TMEM181: variants seen among roughly 807,000 people sequenced by gnomAD.
TMEM181 encodes G protein-coupled receptor 178.
TMEM181 carries 39 observed loss-of-function variants against 71.9 expected under a neutral mutation model. That is an observed-to-expected ratio of 0.54 (90% CI 0.42 to 0.71). TMEM181 has a LOEUF of 0.71. Among genes scored for constraint, TMEM181 ranks in the 30% least tolerant of loss-of-function variants. TMEM181 has a pLI of 0.00. For missense variants in TMEM181, 595 were observed against 583.0 expected, an observed-to-expected ratio of 1.02 and a Z score of -0.21; for synonymous variants, 245 against 228.8, an observed-to-expected ratio of 1.07 and a Z score of -0.64.
At chr6:158,619,256 C>CTGATACCCT (rs1785806805) in intron 10 of TMEM181, among the ~76,000 whole-genome samples, 2 of 152,194 alleles carry the variant, frequency 1.3e-5, no homozygotes, top group African/African-American at 4.8e-5. Context: ...TCTTCAGTTA[C>CTGATACCCT]TGATACCCTT....
At position 158,544,018 on chromosome 6, in the gene TMEM181, C is replaced by G. The variant is rs148704008; in HGVS notation, c.131+7153C>G. Among the ~76,000 whole-genome samples, 573 of 152,258 alleles carry G rather than the reference C, an allele frequency of 3.8e-3. 1 individual carries two copies. The highest frequency in any genetic ancestry group is 0.01 in the Middle Eastern group (3 of 294). ...CTTATTGGAAATCGGGTCTGCACAT[C>G]TTATAGGATGATCTCAGATCCCTCC... On this transcript the variant is annotated intron_variant, in intron 1 of 16. Coordinates refer to the TMEM181 transcript ENST00000367090.
intron 1 of TMEM181, among the ~76,000 whole-genome samples, chr6:158,547,760 G>A (rs995434801): frequency 2.0e-5 from 3 of 151,430 alleles, no homozygotes; most frequent in Admixed American, 6.6e-5. Context: ...CTCCCACCCT[G>A]CCCCCGGGCC....
chr6:158,555,701 G>C (rs927213375), upstream of TMEM181, among the ~76,000 whole-genome samples: 2 of 152,224 alleles, frequency 1.3e-5, no homozygotes, highest in African/African-American at 4.8e-5. Context: ...CAGAAGACTT[G>C]AGAGAATCCC....
rs193140568 is a variant in TMEM181, at chr6:158,599,529, T to A, written c.493-5738T>A. Among the ~76,000 whole-genome samples the A allele has an allele frequency of 6.6e-3, 1,012 of 152,386 alleles. 6 individuals are homozygous for A. The highest frequency in any genetic ancestry group is 0.02 in the Middle Eastern group (6 of 294). ...TTTATTTCATTTTACTTATTTTACA[T>A]TTTAATTTCAAAAATGTATTTTGGG... On this transcript the variant is annotated intron_variant, in intron 6 of 16. Transcript: ENST00000684151.
At chr6:158,572,115 G>A (rs930571775) in intron 1 of TMEM181, among the ~76,000 whole-genome samples, 2 of 152,232 alleles carry the variant, frequency 1.3e-5, no homozygotes, top group Admixed American at 1.3e-4. Context: ...TGGGGGCAGC[G>A]GGCCTGGCCT....
upstream of TMEM181, among the ~76,000 whole-genome samples, chr6:158,559,437 C>T (rs1392845147): frequency 1.3e-5 from 2 of 152,208 alleles, no homozygotes; most frequent in African/African-American, 4.8e-5. Flanking sequence ...CCACAGCACA[C>T]GGGAACACGG....
chr6:158,586,697 C>G (rs554220230), intron 5 of TMEM181, among the ~76,000 whole-genome samples: 1 of 152,032 alleles, frequency 6.6e-6, no homozygotes, highest in East Asian at 1.9e-4. Flanking sequence ...CCTGTAATCC[C>G]AGCACTTTGG....
In TMEM181 at chr6:158,545,661, AG is replaced by A. The variant is rs1288437410; in HGVS notation, c.131+8797del. ...GGCTGCACTCTTTCCATTCTTTTTT[AG>A]TTTTTTTTTTTTTGGTGGTGGTTGT... On this transcript the variant is annotated intron_variant, in intron 1 of 16. Coordinates refer to the TMEM181 transcript ENST00000367090. Among the ~76,000 whole-genome samples, 8 of 147,304 alleles carry A rather than the reference AG, an allele frequency of 5.4e-5. 1 individual carries two copies. The highest frequency in any genetic ancestry group is 1.8e-4 in the African/African-American group (7 of 39,942).
chr6:158,580,894 T>C (rs373780635), intron 2 of TMEM181, 46 bp from the exon 3 acceptor site: 166 of 1,532,284 alleles, frequency 1.1e-4, no homozygotes, highest in Middle Eastern at 3.6e-4. Flanking sequence ...TACTAAATTA[T>C]CAATATTGCT....
Position 158,608,745 on chromosome 6 carries a change from G to A in TMEM181, c.891G>A (p.Trp297Ter). The A allele has an allele frequency of 6.2e-7, 1 of 1,610,436 alleles. No homozygotes were observed. Residue 297 changes from tryptophan (W) to a stop codon, truncating the protein, a stop_gained, in exon 10 of 17, where the codon TGG (tryptophan) becomes TGA (stop). Transcript: ENST00000684151. LOFTEE classifies it high-confidence loss of function. ...LWLASVTLGI[W>*]QTVNELHDPM... is the part of the protein sequence containing the mutation. ...TGGCTTCTGTTACGCTAGGAATATG[G>A]CAAACGTGAGTAATTCTATTATGTG...
intron 1 of TMEM181, among the ~76,000 whole-genome samples, chr6:158,539,235 G>A (rs1562609391): frequency 6.6e-6 from 1 of 152,200 alleles, no homozygotes; most frequent in Admixed American, 6.5e-5. Flanking sequence ...ACAATATTTT[G>A]TATAGACAGG....
intron 1 of TMEM181, among the ~76,000 whole-genome samples, chr6:158,549,008 C>G (rs1781633220): frequency 6.6e-6 from 1 of 150,800 alleles, no homozygotes; most frequent in African/African-American, 2.4e-5. Flanking sequence ...ACTCACCAGG[C>G]TTTGTTATTG....
At chr6:158,542,560 T>C (rs549988791) in intron 1 of TMEM181, among the ~76,000 whole-genome samples, 1 of 152,302 alleles carries the variant, frequency 6.6e-6, no homozygotes, top group East Asian at 1.9e-4. Context: ...TTTGTGTACC[T>C]TGGGGTAAGC....
At chr6:158,555,304 A>T (rs1204527160), upstream of TMEM181, among the ~76,000 whole-genome samples, 1 of 152,184 alleles carries the variant, frequency 6.6e-6, no homozygotes, top group African/African-American at 2.4e-5. Flanking sequence ...CCTTTTATGA[A>T]GATTTATCTA....
intron 6 of TMEM181, among the ~76,000 whole-genome samples, chr6:158,592,771 A>G (rs1784177443): frequency 6.6e-6 from 1 of 152,176 alleles, no homozygotes; most frequent in Non-Finnish European, 1.5e-5. Flanking sequence ...TTTAAAACTT[A>G]GCCATGCATG....
At chr6:158,605,410 G>T (rs935606975) in intron 7 of TMEM181, 63 bp downstream of exon 7, 10 of 1,481,422 alleles carry the variant, frequency 6.8e-6, no homozygotes, top group Non-Finnish European at 9.4e-6. Context: ...GGTTTATGCA[G>T]TTAGGATCTT....
At position 158,620,755 on chromosome 6, in the gene TMEM181, C is replaced by T. The variant is rs1456242100; in HGVS notation, c.897-2795C>T. ...GATCCAGGAGTTAACTCAGGACAAG[C>T]TGCCGCTGCCCACTGCTTCCTGGGT... On this transcript the variant is annotated intron_variant, in intron 10 of 16. Transcript: ENST00000684151. This position sits in a 1 kb window ranked among gnomAD's most constrained non-coding sequence, Gnocchi z 4.5. Among the ~76,000 whole-genome samples, 5 of 152,334 alleles carry T rather than the reference C, an allele frequency of 3.3e-5. No individual in the cohort carries two copies. Among genetic ancestry groups the T allele is most frequent in the African/African-American group, 9.6e-5 (4 of 41,580 alleles).
intron 6 of TMEM181, among the ~76,000 whole-genome samples, chr6:158,604,492 AC>A (rs1186697927): frequency 6.6e-6 from 1 of 152,070 alleles, no homozygotes; most frequent in Non-Finnish European, 1.5e-5. Context: ...CTGGTTATGG[AC>A]CTGGCTCGTG....
Position 158,634,117 on chromosome 6 carries a change from G to C in TMEM181, c.*2229G>C, listed in dbSNP as rs376943436. Reference sequence around the variant, plus strand: ...TGCATCAATGAAATGAAAAATATAGGATTATTTATTTACTTTTTGTAACTA... The same window carrying C: ...TGCATCAATGAAATGAAAAATATAGCATTATTTATTTACTTTTTGTAACTA... On this transcript the variant is annotated 3_prime_UTR_variant, in exon 17 of 17. Coordinates refer to ENST00000684151, the MANE Select transcript of TMEM181 (RefSeq NM_001376852.1). 1 of 151,976 alleles carries C rather than the reference G, an allele frequency of 6.6e-6. No individual in the cohort carries two copies. The highest frequency in any genetic ancestry group is 1.5e-5 in the Non-Finnish European group (1 of 67,994). The allele number at this position is 151,976 out of a possible 1,614,324, so 9.4% of individuals were successfully genotyped here.
Sources: gnomAD v4.1 joint callset for allele counts (sites outside exome capture counted in the v4.1 genomes callset) on GRCh38, gnomAD v4.1.1 for gene constraint, Gnocchi (gnomAD v3.1) non-coding constraint, MANE v1.5 for transcripts, NCBI Gene and HGNC (gene_info 2026-07-23, HGNC 2026-07-21) for gene names.